The following FAM177A1 variants were observed in gnomAD, a reference collection of about 807,000 sequenced individuals.
FAM177A1 encodes the protein family with sequence similarity 177 member A1.
In FAM177A1, 22 loss-of-function variants were observed where a neutral mutation model predicts 26.1. The observed-to-expected ratio is 0.84, with a 90% confidence interval of 0.60 to 1.20. The LOEUF (loss-of-function observed/expected upper bound fraction) is 1.20, where lower values mean the gene tolerates loss of function less well. FAM177A1 is among the 50% of genes most tolerant of loss of function. The pLI is 0.00. For synonymous variants in FAM177A1, 95 were observed against 99.3 expected (o/e 0.96, Z 0.26); for missense variants, 296 against 291.1 (o/e 1.02, Z -0.12).
chr14:35,056,369 T>A (rs1315998409), intron 2 of FAM177A1, among the ~76,000 whole-genome samples: 1 of 151,804 alleles, frequency 6.6e-6, no homozygotes, highest in East Asian at 1.9e-4. Flanking sequence ...TTATTTTTAT[T>A]TTTTGAGATA....
At chr14:35,054,171 C>T (rs1045126446) in intron 2 of FAM177A1, among the ~76,000 whole-genome samples, 8 of 152,050 alleles carry the variant, frequency 5.3e-5, no homozygotes, top group South Asian at 4.2e-4. Context: ...GCCGAGATCG[C>T]GCCACTGCAC....
chr14:35,079,158 T>A, intron 4 of FAM177A1, 134 bp downstream of exon 4: 1 of 604,532 alleles, frequency 1.7e-6, no homozygotes, highest in Non-Finnish European at 2.8e-6. Context: ...TCTAGAATCA[T>A]TAATTTCTTT....
intron 2 of FAM177A1, among the ~76,000 whole-genome samples, chr14:35,060,124 C>G (rs2045129037): frequency 6.6e-6 from 1 of 151,950 alleles, no homozygotes. Context: ...CTGGCATGCA[C>G]CACCATGCCC....
intron 3 of FAM177A1, among the ~76,000 whole-genome samples, chr14:35,078,318 C>T (rs758573519): frequency 1.3e-4 from 20 of 152,168 alleles, no homozygotes; most frequent in Non-Finnish European, 2.2e-4. Flanking sequence ...AGCCATTCCC[C>T]TCCTCCAGCC....
Position 35,054,172 on chromosome 14 carries a change from G to T in FAM177A1, c.339+721G>T, listed in dbSNP as rs905200053. On this transcript the variant is annotated intron_variant, in intron 2 of 4. Transcript: ENST00000280987. The stretch of plus-strand genomic sequence containing the variant: ...AGAGCTTGCAGTGAGCCGAGATCGC[G>T]CCACTGCACTACAGCCTGGGCAACA... Among the ~76,000 whole-genome samples, 4 of 152,146 alleles carry T rather than the reference G, an allele frequency of 2.6e-5. No homozygotes were observed. The South Asian group carries it at 6.2e-4, about 24-fold the overall frequency.
chr14:35,064,904 A>G (rs1187815946), intron 2 of FAM177A1, among the ~76,000 whole-genome samples: 1 of 152,082 alleles, frequency 6.6e-6, no homozygotes, highest in Non-Finnish European at 1.5e-5. Context: ...CGCCCGCTTC[A>G]GCCTCCCAAA....
At chr14:35,071,172 A>ATT (rs1017113596) in intron 2 of FAM177A1, among the ~76,000 whole-genome samples, 1 of 148,690 alleles carries the variant, frequency 6.7e-6, no homozygotes, top group Non-Finnish European at 1.5e-5. Flanking sequence ...GATTTTTTGT[A>ATT]TTTTTTTTTA....
Position 35,083,190 on chromosome 14 carries a change from T to A in FAM177A1, c.*1962T>A, listed in dbSNP as rs76897719. On this transcript the variant is annotated 3_prime_UTR_variant, in exon 5 of 5. Transcript: ENST00000280987. ...TCCTGTCTCCCTAGAGGTACTAGTA[T>A]CTAGAGTTTACCCAGAAAATTTTAT... The A allele has an allele frequency of 0.038, 5,753 of 152,702 alleles. 107 individuals are homozygous for A. Among genetic ancestry groups the A allele is most frequent in the South Asian group, 0.063 (304 of 4,830 alleles). The allele number at this position is 152,702 out of a possible 1,614,324, so 9.5% of individuals were successfully genotyped here.
In FAM177A1 at chr14:35,079,098, T is replaced by C. The variant is rs1447683301; in HGVS notation, c.504+74T>C. 6 of 1,122,538 alleles carry C rather than the reference T, an allele frequency of 5.3e-6. No homozygotes were observed. The African/African-American group carries it at 8.3e-5, about 15-fold the overall frequency. 69.5% of individuals were successfully genotyped at this position (1,122,538 alleles called of 1,614,324 possible). On this transcript the variant is annotated intron_variant, in intron 4 of 4. Transcript: ENST00000280987. Reference sequence around the variant, plus strand: ...CTTGATGGGTTGCATAATGAGCCTATGTATTTTCTAACTGCCCAACATGTA... The same window carrying C: ...CTTGATGGGTTGCATAATGAGCCTACGTATTTTCTAACTGCCCAACATGTA...
chr14:35,073,375 C>T (rs964315415), intron 2 of FAM177A1, among the ~76,000 whole-genome samples: 3 of 152,206 alleles, frequency 2.0e-5, no homozygotes, highest in Non-Finnish European at 4.4e-5. Context: ...GCCCAGGGTT[C>T]TCTTCTATGG....
Position 35,082,414 on chromosome 14 carries a change from G to A in FAM177A1, c.*1186G>A, listed in dbSNP as rs1486958168. On this transcript the variant is annotated 3_prime_UTR_variant, in exon 5 of 5. Coordinates refer to ENST00000280987, the MANE Select transcript of FAM177A1 (RefSeq NM_173607.5). ...TGTAATCCCAGCTGCTCGGGAGGCT[G>A]AGGCAGGAGAATCACTTGAACCAGG... The A allele has an allele frequency of 6.6e-6, 1 of 152,180 alleles. No individual in the cohort carries two copies. Among genetic ancestry groups the A allele is most frequent in the Non-Finnish European group, 1.5e-5 (1 of 68,096 alleles). 9.4% of individuals were successfully genotyped at this position (152,180 alleles called of 1,614,324 possible). A position where few individuals can be genotyped will look rare whatever the true frequency, so the allele number is the denominator to read the frequency against.
chr14:35,054,181 C>CTA, intron 2 of FAM177A1, among the ~76,000 whole-genome samples: 1 of 152,222 alleles, frequency 6.6e-6, no homozygotes, highest in Admixed American at 6.5e-5. Context: ...CGCCACTGCA[C>CTA]TACAGCCTGG....
intron 1 of FAM177A1, among the ~76,000 whole-genome samples, chr14:35,048,979 C>T (rs907690825): frequency 1.3e-5 from 2 of 151,792 alleles, no homozygotes; most frequent in Non-Finnish European, 2.9e-5. Flanking sequence ...CAACCTCCAC[C>T]TCCCGGGTTC....
chr14:35,058,333 G>T (rs1413833029), intron 2 of FAM177A1, among the ~76,000 whole-genome samples: 1 of 152,012 alleles, frequency 6.6e-6, no homozygotes, highest in Non-Finnish European at 1.5e-5. Flanking sequence ...CAAAGAGCTG[G>T]TATTACAGGT....
intron 1 of FAM177A1, among the ~76,000 whole-genome samples, chr14:35,048,583 A>T (rs1566665326): frequency 6.7e-6 from 1 of 149,410 alleles, no homozygotes; most frequent in Non-Finnish European, 1.5e-5. Flanking sequence ...ATTATTAAAT[A>T]TTAAATATCT....
At position 35,070,114 on chromosome 14, in the gene FAM177A1, C is replaced by CAAAA. The variant is rs746133319; in HGVS notation, c.340-7003_340-7000dup. Reference sequence around the variant, plus strand: ...TGGGCGACAGAGTGAGACTCTGTCTCAAAAAAAAAAAAAAAAAAAAAAAAA... The same window carrying CAAAA: ...TGGGCGACAGAGTGAGACTCTGTCTCAAAAAAAAAAAAAAAAAAAAAAAAAAAAA... On this transcript the variant is annotated intron_variant, in intron 2 of 4. Coordinates refer to ENST00000280987, the MANE Select transcript of FAM177A1 (RefSeq NM_173607.5). Among the ~76,000 whole-genome samples, 21 of 53,858 alleles carry CAAAA rather than the reference C, an allele frequency of 3.9e-4. 4 individuals are homozygous for CAAAA. Among genetic ancestry groups the CAAAA allele is most frequent in the African/African-American group, 1.3e-3 (16 of 12,092 alleles). 35.3% of individuals were successfully genotyped at this position (53,858 alleles called of 152,430 possible).
At chr14:35,051,376 C>G (rs1287952973) in intron 1 of FAM177A1, among the ~76,000 whole-genome samples, 1 of 151,964 alleles carries the variant, frequency 6.6e-6, no homozygotes, top group African/African-American at 2.4e-5. Flanking sequence ...CTTGGCCCCC[C>G]AAATTGCTGC....
chr14:35,076,773 A>G (rs2045403024), intron 2 of FAM177A1, among the ~76,000 whole-genome samples: 2 of 152,062 alleles, frequency 1.3e-5, no homozygotes, highest in East Asian at 1.9e-4. Context: ...GTTTCTTTCT[A>G]TTGACTGAAC....
chr14:35,070,462 T>G (rs1274051880), intron 2 of FAM177A1, among the ~76,000 whole-genome samples: 4 of 152,100 alleles, frequency 2.6e-5, no homozygotes, highest in Non-Finnish European at 5.9e-5. Flanking sequence ...CCCAAGTAGC[T>G]GGGACTACAG....
Sources: gnomAD v4.1 joint callset for allele counts (sites outside exome capture counted in the v4.1 genomes callset) on GRCh38, gnomAD v4.1.1 for gene constraint, MANE v1.5 for transcripts, NCBI Gene and HGNC (gene_info 2026-07-23, HGNC 2026-07-21) for gene names.